The following VIPR1 variants were observed in gnomAD, a reference collection of about 807,000 sequenced individuals.
VIPR1 encodes vasoactive intestinal peptide receptor 1, also known as vasoactive intestinal polypeptide receptor 1.
VIPR1 carries 59 observed loss-of-function variants against 58.8 expected under a neutral mutation model. That is an observed-to-expected ratio of 1.00 (90% CI 0.81 to 1.25). The LOEUF is 1.25. Ranked by LOEUF, VIPR1 falls within the 50% of genes most tolerant of loss-of-function variation. VIPR1 has a pLI of 0.00. For missense variants in VIPR1, 626 were observed against 602.7 expected, an observed-to-expected ratio of 1.04 and a Z score of -0.40; for synonymous variants, 251 against 242.1, an observed-to-expected ratio of 1.04 and a Z score of -0.34.
intron 6 of VIPR1, chr3:42,529,876 C>T (rs1701442970): frequency 6.6e-6 from 1 of 152,180 alleles, no homozygotes; most frequent in African/African-American, 2.4e-5. Context: ...TCATGGTCCT[C>T]GTCTGCCTAA....
chr3:42,522,931 C>T (rs1206729076), intron 3 of VIPR1, among the ~76,000 whole-genome samples: 2 of 152,198 alleles, frequency 1.3e-5, no homozygotes, highest in East Asian at 3.8e-4. Flanking sequence ...GTGGCCCTTG[C>T]CACCCTTCTG....
intron 1 of VIPR1, chr3:42,508,671 T>C (rs1396797666): frequency 1.3e-5 from 2 of 152,192 alleles, no homozygotes; most frequent in Non-Finnish European, 2.9e-5. Context: ...ATGTTTCTCC[T>C]TTCTTTTGTG....
chr3:42,513,798 T>C lies in VIPR1; in HGVS notation c.128T>C (p.Ile43Thr), dbSNP rs778972561. 6 of 1,551,540 alleles carry C rather than the reference T, an allele frequency of 3.9e-6. No individual in the cohort carries two copies. In the Admixed American group the frequency reaches 1.2e-4, roughly 30 times the overall value. ...GAGGAGTGTGACTATGTGCAGATGA[T>C]CGAGGTGCAGCACAAGCAGTGCCTG... Reference protein sequence around the residue: ...LQEECDYVQMIEVQHKQCLEE... With the variant: ...LQEECDYVQMTEVQHKQCLEE... The change falls in exon 2 of 13, where the codon ATC becomes ACC. Residue 43 changes from isoleucine to threonine, a missense_variant. Ile to Thr is a moderately conservative substitution (Grantham distance 89). Coordinates refer to ENST00000325123, the MANE Select transcript of VIPR1 (RefSeq NM_004624.4).
intron 2 of VIPR1, among the ~76,000 whole-genome samples, chr3:42,516,123 C>T (rs1700611674): frequency 6.6e-6 from 1 of 152,160 alleles, no homozygotes. Flanking sequence ...AGCAGAGGCC[C>T]CACCTCATCT....
chr3:42,505,082 A>C (rs375873826), intron 1 of VIPR1, among the ~76,000 whole-genome samples: 1 of 151,894 alleles, frequency 6.6e-6, no homozygotes, highest in East Asian at 1.9e-4. Context: ...CTGGGGGAGG[A>C]GGGTCACAGG....
At chr3:42,513,664 GAGGGC>G in intron 1 of VIPR1, 80 bp from the exon 2 acceptor site, 4 of 1,385,708 alleles carry the variant, frequency 2.9e-6, no homozygotes, top group Non-Finnish European at 4.0e-6. Context: ...CTTCCAGGGA[GAGGGC>G]AGGTGCAGTC....
At chr3:42,500,216 C>A (rs1474963296), upstream of VIPR1, 1 of 152,250 alleles carries the variant, frequency 6.6e-6, no homozygotes, top group East Asian at 1.9e-4. Flanking sequence ...TCCAACCTGG[C>A]CATCCAGCCC....
At chr3:42,515,136 G>A (rs1354852337) in intron 2 of VIPR1, among the ~76,000 whole-genome samples, 1 of 152,224 alleles carries the variant, frequency 6.6e-6, no homozygotes. Flanking sequence ...CTCAGGAGCA[G>A]GGAGCATCTT....
At chr3:42,501,277 C>A (rs761458563), upstream of VIPR1, among the ~76,000 whole-genome samples, 8 of 152,066 alleles carry the variant, frequency 5.3e-5, no homozygotes, top group Non-Finnish European at 1.0e-4. This position sits in a 1 kb window ranked among gnomAD's most constrained non-coding sequence, Gnocchi z 4.8. Context: ...AGCATCCCAA[C>A]GTTCCCTCTC....
At chr3:42,535,595 T>A (rs1295299454) in intron 12 of VIPR1, among the ~76,000 whole-genome samples, 1 of 152,196 alleles carries the variant, frequency 6.6e-6, no homozygotes, top group East Asian at 1.9e-4. Context: ...GAATCTGCAT[T>A]TTAATAATTA....
At chr3:42,526,127 T>G in intron 4 of VIPR1, 134 bp downstream of exon 4, 2 of 827,866 alleles carry the variant, frequency 2.4e-6, no homozygotes, top group Non-Finnish European at 3.8e-6. Flanking sequence ...TCCTCTAGCC[T>G]CCTCCAGGCC....
chr3:42,532,921 G>C (rs1270496530), intron 10 of VIPR1: 1 of 157,448 alleles, frequency 6.4e-6, no homozygotes, highest in Non-Finnish European at 1.4e-5. Flanking sequence ...TGAGGGTTTT[G>C]GAGCAGGTCA....
At chr3:42,503,693 T>C (rs1199831670) in intron 1 of VIPR1, among the ~76,000 whole-genome samples, 1 of 152,180 alleles carries the variant, frequency 6.6e-6, no homozygotes. Context: ...TTGAGTCTAC[T>C]GAAGCCCATT....
chr3:42,522,168 G>C (rs1700981874), intron 3 of VIPR1, among the ~76,000 whole-genome samples: 1 of 130,960 alleles, frequency 7.6e-6, no homozygotes, highest in Non-Finnish European at 1.5e-5. Flanking sequence ...CTGGAGTGCA[G>C]TGGCACTATC....
rs776485976 is a variant in VIPR1, at chr3:42,536,165, C to T, written c.1258C>T (p.His420Tyr). 1 of 1,608,044 alleles carries T rather than the reference C, an allele frequency of 6.2e-7. No individual in the cohort carries two copies. The highest frequency in any genetic ancestry group is 1.1e-5 in the South Asian group (1 of 89,782). Residue 420 changes from histidine (H) to tyrosine (Y), a missense_variant, in exon 13 of 13, where the codon CAC (histidine) becomes TAC (tyrosine). By Grantham distance (83) the His-to-Tyr change is moderately conservative (BLOSUM62 2). Transcript: ENST00000325123. ...GVLGWNPKYR[H>Y]PSGGSNGATC... ...CCTGGGCTGGAACCCCAAATACCGG[C>T]ACCCGTCGGGAGGCAGCAACGGCGC... is the stretch of plus-strand genomic sequence containing the variant.
At chr3:42,532,488 C>A in intron 10 of VIPR1, 155 bp downstream of exon 10, 1 of 760,664 alleles carries the variant, frequency 1.3e-6, no homozygotes. Context: ...GCTCAGCCCA[C>A]CACCATCCCC....
At chr3:42,528,249 C>A in intron 6 of VIPR1, 126 bp downstream of exon 6, 1 of 1,291,988 alleles carries the variant, frequency 7.7e-7, no homozygotes, top group Non-Finnish European at 1.0e-6. Flanking sequence ...ACCCCTCAAT[C>A]CAAGGATAGC....
upstream of VIPR1, among the ~76,000 whole-genome samples, chr3:42,499,791 A>G (rs1324263620): frequency 6.6e-6 from 1 of 152,094 alleles, no homozygotes; most frequent in African/African-American, 2.4e-5. Flanking sequence ...CTCTTCCTCC[A>G]AGAAGCCTTC....
chr3:42,513,393 C>T (rs1463070680), intron 1 of VIPR1: 2 of 222,360 alleles, frequency 9.0e-6, no homozygotes, highest in African/African-American at 4.5e-5. Context: ...GGGACAGACT[C>T]TCAAACCAAG....
Sources: allele counts gnomAD v4.1 joint callset (sites outside exome capture counted in the v4.1 genomes callset), GRCh38; gene constraint gnomAD v4.1.1; non-coding constraint Gnocchi (gnomAD v3.1); transcripts MANE v1.5; gene names NCBI Gene and HGNC (gene_info 2026-07-23, HGNC 2026-07-21).